Variants in NLRP7 observed in about 807,000 individuals in gnomAD.
NLRP7 encodes the protein NLR family pyrin domain containing 7.
Under a neutral mutation model 85.5 loss-of-function variants are expected in NLRP7, and 72 were observed. The observed-to-expected ratio is 0.84, with a 90% CI of 0.70 to 1.02. The LOEUF is 1.02. Among genes scored for constraint, NLRP7 ranks in the 50% least tolerant of loss-of-function variants. The pLI is 0.00. For synonymous variants in NLRP7, 550 were observed against 505.2 expected (o/e 1.09, Z -1.19); for missense variants, 1,243 against 1,219.5 (o/e 1.02, Z -0.29).
chr19:54,959,095 G>A (rs1031138623), intron 1 of NLRP7, among the ~76,000 whole-genome samples: 5 of 151,784 alleles, frequency 3.3e-5, no homozygotes, highest in Non-Finnish European at 4.4e-5. Context: ...GGTGCCTGGC[G>A]CCGGGCTACC....
intron 1 of NLRP7, among the ~76,000 whole-genome samples, chr19:54,945,025 G>A (rs1428043689): frequency 6.6e-6 from 1 of 151,730 alleles, no homozygotes; most frequent in African/African-American, 2.4e-5. Flanking sequence ...AGATCACAAG[G>A]TGAGGAGCTC....
intron 6 of NLRP7, among the ~76,000 whole-genome samples, chr19:54,936,012 G>A (rs1202156877): frequency 6.6e-6 from 1 of 152,150 alleles, no homozygotes; most frequent in African/African-American, 2.4e-5. Context: ...GTCAGGAATA[G>A]CATGTCCCTA....
At chr19:54,939,984 C>T (rs144378653) in exon 4 of NLRP7, 1 of 1,614,182 alleles carries the variant, frequency 6.2e-7, no homozygotes, top group South Asian at 1.1e-5. Context: ...AGGACGGGCA[C>T]CGGCTTCTTC....
intron 1 of NLRP7, chr19:54,953,490 A>G (rs537484846): frequency 6.6e-6 from 1 of 152,030 alleles, no homozygotes; most frequent in Non-Finnish European, 1.5e-5. Context: ...GTCAGGGGTC[A>G]ATCTTTAACT....
chr19:54,963,600 G>T (rs927164128), intron 1 of NLRP7, among the ~76,000 whole-genome samples: 1 of 151,974 alleles, frequency 6.6e-6, no homozygotes, highest in Admixed American at 6.6e-5. Flanking sequence ...GAGGTGAGCA[G>T]ATTACCTGAG....
chr19:54,942,675 A>T (rs1310043763), intron 1 of NLRP7, among the ~76,000 whole-genome samples: 8 of 152,110 alleles, frequency 5.3e-5, no homozygotes, highest in Non-Finnish European at 8.8e-5. Context: ...AGATCACGCC[A>T]TTGCACTCGA....
At chr19:54,930,630 T>A in exon 9 of NLRP7, 1 of 1,613,400 alleles carries the variant, frequency 6.2e-7, no homozygotes, top group Non-Finnish European at 8.5e-7. Context: ...CTGAGAGATA[T>A]CTACAGCCAA....
intron 6 of NLRP7, among the ~76,000 whole-genome samples, chr19:54,935,646 C>T (rs113746308): frequency 0.058 from 8,702 of 150,216 alleles, 603 homozygotes; most frequent in African/African-American, 0.17. Flanking sequence ...TGAACGAGAT[C>T]GCGCCACTGC....
At chr19:54,931,872 C>A (rs1379098584) in intron 8 of NLRP7, among the ~76,000 whole-genome samples, 1 of 151,306 alleles carries the variant, frequency 6.6e-6, no homozygotes, top group Non-Finnish European at 1.5e-5. Flanking sequence ...ATCCAAATGG[C>A]CTTCTGATTC....
In NLRP7 at chr19:54,938,165, G is replaced by C; in HGVS notation, c.2008C>G (p.Leu670Val). Residue 670 changes from leucine (L) to valine (V), a missense_variant, in exon 5 of 10, where the codon CTC becomes GTC. By Grantham distance (32) the Leu-to-Val change is conservative. Transcript: ENST00000340844. ...TTGAGGTTGCTGTTTGAGCTGAAGAGAGAGCAGAAATCTGTCCAGAGGCGA... is the reference window on the plus strand; with the variant it reads ...TTGAGGTTGCTGTTTGAGCTGAAGACAGAGCAGAAATCTGTCCAGAGGCGA... 1 of 1,614,130 alleles carries C rather than the reference G, an allele frequency of 6.2e-7. No homozygotes were observed. Among genetic ancestry groups the C allele is most frequent in the Non-Finnish European group, 8.5e-7 (1 of 1,180,010 alleles).
chr19:54,963,433 C>A (rs2070134697), intron 1 of NLRP7, among the ~76,000 whole-genome samples: 1 of 150,374 alleles, frequency 6.7e-6, no homozygotes, highest in South Asian at 2.1e-4. Context: ...TTCGTGCCTG[C>A]AACCCAAGCA....
intron 1 of NLRP7, among the ~76,000 whole-genome samples, chr19:54,942,255 C>CAAAAAAAAAA (rs576434793): frequency 1.0e-4 from 6 of 59,440 alleles, no homozygotes; most frequent in Non-Finnish European, 1.6e-4. Context: ...GACTCCGTCT[C>CAAAAAAAAAA]AAAAAAAAAA....
chr19:54,952,727 C>T (rs965990380), intron 1 of NLRP7, among the ~76,000 whole-genome samples: 6 of 152,134 alleles, frequency 3.9e-5, no homozygotes, highest in African/African-American at 1.4e-4. Flanking sequence ...AATTGACTCA[C>T]AGCGTGCATT....
chr19:54,926,022 A>G (rs1302320233), intron 9 of NLRP7, among the ~76,000 whole-genome samples: 1 of 151,568 alleles, frequency 6.6e-6, no homozygotes, highest in African/African-American at 2.4e-5. Flanking sequence ...ACAGATTCAA[A>G]AAAAAAGACA....
intron 5 of NLRP7, 42 bp from the exon 6 acceptor site, chr19:54,936,473 C>T (rs1210433681): frequency 8.6e-6 from 13 of 1,515,300 alleles, no homozygotes; most frequent in Non-Finnish European, 9.2e-6. Context: ...GTGATTAATA[C>T]TCACATTGTG....
intron 1 of NLRP7, among the ~76,000 whole-genome samples, chr19:54,959,012 C>A (rs890785682): frequency 6.6e-6 from 1 of 152,132 alleles, no homozygotes; most frequent in Admixed American, 6.6e-5. Flanking sequence ...GGTTCTAAGT[C>A]ATGAGTTGAT....
At chr19:54,926,796 A>G (rs536489113) in intron 9 of NLRP7, among the ~76,000 whole-genome samples, 1 of 151,814 alleles carries the variant, frequency 6.6e-6, no homozygotes, top group South Asian at 2.1e-4. Flanking sequence ...AGCGACTGTA[A>G]TCCTAGCTAC....
At position 54,938,312 on chromosome 19, in the gene NLRP7, T is replaced by C. The variant is rs78545477; in HGVS notation, c.1932-71A>G. 2.6e-3 allele frequency: 3,316 copies of C among 1,273,672 alleles called. 128 individuals are homozygous for C. In the East Asian group the frequency reaches 0.068, roughly 26 times the overall value. 78.9% of individuals were successfully genotyped at this position (1,273,672 alleles called of 1,614,324 possible). ...GTGAGATGGGCATCTGCAAACCACA[T>C]TTCAATGGCAAAAACCACAATTACT... On this transcript the variant is annotated intron_variant, in intron 4 of 9. Coordinates refer to ENST00000340844, the Ensembl canonical transcript of NLRP7.
intron 1 of NLRP7, among the ~76,000 whole-genome samples, chr19:54,943,462 G>C (rs1030545272): frequency 6.6e-6 from 1 of 151,930 alleles, no homozygotes; most frequent in South Asian, 2.1e-4. Context: ...TTAGCCGGGC[G>C]TGGTGGCGGG....
Sources: gnomAD v4.1 joint callset for allele counts (sites outside exome capture counted in the v4.1 genomes callset) on GRCh38, gnomAD v4.1.1 for gene constraint, MANE v1.5 for transcripts, NCBI Gene and HGNC (gene_info 2026-07-23, HGNC 2026-07-21) for gene names.